MTUS1: variants seen among roughly 807,000 people sequenced by gnomAD.
MTUS1 encodes the protein microtubule-associated tumor suppressor 1.
MTUS1 carries 109 observed loss-of-function variants against 120.8 expected under a neutral mutation model. That is an observed-to-expected ratio of 0.90 (90% confidence interval 0.77 to 1.06). The LOEUF (loss-of-function observed/expected upper bound fraction) is 1.06. Ranked by LOEUF, MTUS1 falls within the 50% of genes least tolerant of loss-of-function variation. The pLI is 0.00. For missense variants in MTUS1, 2,210 were observed against 1,486.3 expected (o/e 1.49, Z -8.01); for synonymous variants, 737 against 550.5 (o/e 1.34, Z -4.74).
At chr8:17,715,199 T>C (rs182905295) in intron 5 of MTUS1, among the ~76,000 whole-genome samples, 1 of 152,010 alleles carries the variant, frequency 6.6e-6, no homozygotes, top group Non-Finnish European at 1.5e-5. Context: ...AGCCACCGCA[T>C]GTGGCACAAA....
intron 1 of MTUS1, among the ~76,000 whole-genome samples, chr8:17,793,899 A>G (rs1015036454): frequency 6.6e-6 from 1 of 152,182 alleles, no homozygotes; most frequent in Non-Finnish European, 1.5e-5. Flanking sequence ...ACTTACTAAC[A>G]TCTCCAAAAC....
rs112428784 is a variant in MTUS1 at position 17,675,218 on chromosome 8, G to A, written c.2873C>T (p.Ser958Phe). Reference sequence around the variant, plus strand: ...TCCCCGGAGGTTAACAAGTTCTTGAGATAGGGTTTTGTGTTGTTTCAGTGC... The same window carrying A: ...TCCCCGGAGGTTAACAAGTTCTTGAAATAGGGTTTTGTGTTGTTTCAGTGC... The part of the protein sequence containing the change: ...EEALKQHKTL[S>F]QELVNLRGEL... Residue 958 changes from serine (S) to phenylalanine (F), a missense_variant, in exon 8 of 15, where the codon TCT (serine) becomes TTT (phenylalanine). By Grantham distance (155) the Ser-to-Phe change is radical. Transcript: ENST00000693296. The A allele has an allele frequency of 3.7e-4, 605 of 1,614,170 alleles. 3 individuals carry two copies. In the African/African-American group the frequency reaches 7.3e-3, roughly 19 times the overall value.
At chr8:17,684,677 T>A (rs1435778055) in intron 6 of MTUS1, 135 bp from the exon 7 acceptor site, 1 of 695,160 alleles carries the variant, frequency 1.4e-6, no homozygotes, top group African/African-American at 1.8e-5. Context: ...TGCATATGGA[T>A]GAGAACTGGA....
At chr8:17,783,598 G>A (rs1310148648) in intron 1 of MTUS1, among the ~76,000 whole-genome samples, 2 of 152,090 alleles carry the variant, frequency 1.3e-5, no homozygotes, top group Admixed American at 6.6e-5. Context: ...CACAAGTTGG[G>A]CATTGTTTAG....
intron 3 of MTUS1, among the ~76,000 whole-genome samples, chr8:17,740,597 CA>C (rs1444816156): frequency 2.0e-5 from 3 of 152,068 alleles, no homozygotes; most frequent in African/African-American, 7.2e-5. Flanking sequence ...TGAGAGCATC[CA>C]AAAAAATTAG....
intron 6 of MTUS1, among the ~76,000 whole-genome samples, chr8:17,711,760 C>T (rs435941): frequency 0.45 from 68,433 of 152,052 alleles, 15,975 homozygotes; most frequent in African/African-American, 0.58. Context: ...TCATTAAACT[C>T]AATCATTTCT....
At chr8:17,671,378 G>C (rs759790900) in intron 8 of MTUS1, among the ~76,000 whole-genome samples, 1 of 151,218 alleles carries the variant, frequency 6.6e-6, no homozygotes, top group Non-Finnish European at 1.5e-5. Flanking sequence ...AAACAGAAAA[G>C]AATCCCTACA....
Position 17,755,194 on chromosome 8 carries a change from T to C in MTUS1, c.614A>G (p.Tyr205Cys), listed in dbSNP as rs372293033. 28 of 1,614,214 alleles carry C rather than the reference T, an allele frequency of 1.7e-5. 1 individual carries two copies. The East Asian group carries it at 1.8e-4, about 10-fold the overall frequency. ...RRSGSTSSLS[Y>C]STWTSSHSDK... Reference sequence around the variant, plus strand: ...AGAATGGGAAGATGTCCAAGTGGAATAGGATAAAGAAGATGTACTTCCACT... The same window carrying C: ...AGAATGGGAAGATGTCCAAGTGGAACAGGATAAAGAAGATGTACTTCCACT... The change falls in exon 2 of 15, where the codon TAT becomes TGT. Residue 205 changes from tyrosine (Y) to cysteine (C), a missense_variant. Tyr to Cys is a radical substitution (Grantham distance 194). Coordinates refer to ENST00000693296, the MANE Select transcript of MTUS1 (RefSeq NM_001363059.2).
At chr8:17,674,906 T>C (rs1013324605) in intron 8 of MTUS1, 2 of 1,230,312 alleles carry the variant, frequency 1.6e-6, no homozygotes, top group African/African-American at 3.1e-5. Flanking sequence ...TTCACACAAT[T>C]ACAAAAATAA....
At chr8:17,781,978 GC>G (rs1273981994) in intron 1 of MTUS1, among the ~76,000 whole-genome samples, 1 of 152,194 alleles carries the variant, frequency 6.6e-6, no homozygotes, top group Non-Finnish European at 1.5e-5. Flanking sequence ...TGCTATAAAG[GC>G]CCTCCAAGGA....
intron 1 of MTUS1, among the ~76,000 whole-genome samples, chr8:17,782,955 G>A (rs980367757): frequency 6.6e-6 from 1 of 152,172 alleles, no homozygotes; most frequent in Non-Finnish European, 1.5e-5. Context: ...GTGGGCGCCT[G>A]TAATCCCAGC....
At chr8:17,705,268 G>C (rs1466901266) in intron 6 of MTUS1, among the ~76,000 whole-genome samples, 2 of 152,212 alleles carry the variant, frequency 1.3e-5, no homozygotes, top group African/African-American at 2.4e-5. Context: ...ACAGGCGTGA[G>C]CCACCATGCA....
intron 1 of MTUS1, among the ~76,000 whole-genome samples, chr8:17,768,496 A>G (rs2049743106): frequency 6.6e-6 from 1 of 151,792 alleles, no homozygotes; most frequent in Non-Finnish European, 1.5e-5. Context: ...ATATACAACA[A>G]AGAAAGCTAT....
intron 2 of MTUS1, among the ~76,000 whole-genome samples, chr8:17,746,355 G>C (rs549622761): frequency 6.6e-6 from 1 of 151,994 alleles, no homozygotes; most frequent in Non-Finnish European, 1.5e-5. Flanking sequence ...GCACCTCTAC[G>C]TATTAGTCCA....
intron 1 of MTUS1, among the ~76,000 whole-genome samples, chr8:17,769,938 G>A (rs976332240): frequency 7.0e-6 from 1 of 143,508 alleles, no homozygotes; most frequent in African/African-American, 2.6e-5. Flanking sequence ...GGGGGGGGTT[G>A]GGGGGGAAGC....
intron 2 of MTUS1, among the ~76,000 whole-genome samples, chr8:17,749,087 G>A (rs1235214010): frequency 2.0e-5 from 3 of 152,096 alleles, no homozygotes; most frequent in Admixed American, 2.0e-4. Context: ...ACTAGTTCAG[G>A]ATATGAAAGG....
At chr8:17,679,094 T>G (rs1372309733) in intron 7 of MTUS1, among the ~76,000 whole-genome samples, 6 of 152,070 alleles carry the variant, frequency 3.9e-5, no homozygotes. Context: ...CTAAGTAGAC[T>G]TGCAACAAAA....
intron 1 of MTUS1, among the ~76,000 whole-genome samples, chr8:17,784,803 G>A (rs1264140916): frequency 3.1e-5 from 3 of 96,874 alleles, no homozygotes; most frequent in African/African-American, 1.1e-4. Flanking sequence ...TTTTTTTTTT[G>A]ACACAGAGGC....
chr8:17,755,316 T>G lies in MTUS1; in HGVS notation c.492A>C (p.Thr164=). ...TAAAGGTGCAGTTAACTTTATCCACTGTCATGTCAAATGTTTGGTTTAGCT... is the reference window on the plus strand; with the variant it reads ...TAAAGGTGCAGTTAACTTTATCCACGGTCATGTCAAATGTTTGGTTTAGCT... ...ALELNQTFDM[T]VDKVNCTFIS... The change falls in exon 2 of 15, where the codon ACA becomes ACC. Residue 164 remains threonine, a synonymous_variant. Coordinates refer to ENST00000693296, the MANE Select transcript of MTUS1 (RefSeq NM_001363059.2). 1 of 1,614,220 alleles carries G rather than the reference T, an allele frequency of 6.2e-7. No homozygotes were observed. The highest frequency in any genetic ancestry group is 8.5e-7 in the Non-Finnish European group (1 of 1,180,040).
Sources: gnomAD v4.1 joint callset for allele counts (sites outside exome capture counted in the v4.1 genomes callset) on GRCh38, gnomAD v4.1.1 for gene constraint, MANE v1.5 for transcripts, NCBI Gene and HGNC (gene_info 2026-07-23, HGNC 2026-07-21) for gene names.